Variants in LIMK2 observed in about 807,000 individuals in gnomAD.
LIMK2 encodes the protein LIM domain kinase 2.
In LIMK2, 35 loss-of-function variants were observed where a neutral mutation model predicts 75.7. That is an observed-to-expected ratio of 0.46 (90% CI 0.35 to 0.61). The LOEUF (loss-of-function observed/expected upper bound fraction) is 0.61. Among genes scored for constraint, LIMK2 ranks in the 20% least tolerant of loss-of-function variants. LIMK2 has a pLI of 0.00. For missense variants in LIMK2, 623 were observed against 831.0 expected, an observed-to-expected ratio of 0.75 and a Z score of 3.08; for synonymous variants, 301 against 319.2, an observed-to-expected ratio of 0.94 and a Z score of 0.61.
intron 5 of LIMK2, among the ~76,000 whole-genome samples, chr22:31,261,435 A>G (rs1162211080): frequency 6.6e-6 from 1 of 152,022 alleles, no homozygotes; most frequent in African/African-American, 2.4e-5. Context: ...AGTCCCAGCT[A>G]CTCGGGAGGC....
chr22:31,215,283 C>T (rs2048380784), intron 1 of LIMK2, among the ~76,000 whole-genome samples: 1 of 152,222 alleles, frequency 6.6e-6, no homozygotes, highest in Non-Finnish European at 1.5e-5. Context: ...TAAACTTTCA[C>T]TTGTTATTCC....
intron 2 of LIMK2, among the ~76,000 whole-genome samples, chr22:31,256,687 G>A (rs1384135379): frequency 6.6e-6 from 1 of 152,116 alleles, no homozygotes; most frequent in Non-Finnish European, 1.5e-5. Context: ...TTTCACAGCA[G>A]TTCATTTTAT....
intron 2 of LIMK2, chr22:31,248,675 A>C (rs766149569): frequency 1.5e-5 from 24 of 1,613,812 alleles, no homozygotes; most frequent in African/African-American, 4.0e-5. Context: ...GCAGTCACAG[A>C]CGGATTTGCA....
intron 2 of LIMK2, among the ~76,000 whole-genome samples, chr22:31,244,219 CAA>C (rs1367890263): frequency 1.3e-5 from 2 of 152,206 alleles, no homozygotes; most frequent in African/African-American, 4.8e-5. Flanking sequence ...TGTGAAATGT[CAA>C]GAGGAGTTAT....
intron 10 of LIMK2, 57 bp from the exon 11 acceptor site, chr22:31,268,087 T>A: frequency 6.3e-7 from 1 of 1,576,992 alleles, no homozygotes; most frequent in Non-Finnish European, 8.7e-7. Context: ...CCATGGGGCC[T>A]GGACCACGAG....
chr22:31,214,969 G>A (rs1020905210), intron 1 of LIMK2, among the ~76,000 whole-genome samples: 7 of 152,102 alleles, frequency 4.6e-5, no homozygotes, highest in Non-Finnish European at 1.0e-4. Context: ...CTAATTTTTT[G>A]TATTTTTATT....
At chr22:31,273,165 C>A in intron 13 of LIMK2, 1 of 403,012 alleles carries the variant, frequency 2.5e-6, no homozygotes, top group Non-Finnish European at 3.4e-6. Context: ...TAGGAGCATA[C>A]AGCTGCCTAA....
At chr22:31,228,756 C>A (rs2048500131) in intron 2 of LIMK2, among the ~76,000 whole-genome samples, 1 of 152,104 alleles carries the variant, frequency 6.6e-6, no homozygotes, top group Non-Finnish European at 1.5e-5. Flanking sequence ...GCCTGGCCAA[C>A]ATGGCAAAAC....
intron 1 of LIMK2, 117 bp from the exon 2 acceptor site, chr22:31,225,603 T>C: frequency 1.1e-5 from 8 of 718,210 alleles, no homozygotes; most frequent in South Asian, 8.4e-5. Context: ...TAGCAGAGCA[T>C]TGGCCTAACC....
At chr22:31,222,328 C>T (rs1189724919) in intron 1 of LIMK2, among the ~76,000 whole-genome samples, 2 of 150,584 alleles carry the variant, frequency 1.3e-5, no homozygotes, top group African/African-American at 2.5e-5. Flanking sequence ...GCCTCAGCCT[C>T]CCAAAGTACT....
intron 12 of LIMK2, among the ~76,000 whole-genome samples, chr22:31,271,679 C>T (rs1174126845): frequency 2.6e-5 from 4 of 152,120 alleles, no homozygotes; most frequent in Non-Finnish European, 5.9e-5. Flanking sequence ...TGCTATCTGG[C>T]TTCCTGGGTG....
Position 31,276,706 on chromosome 22 carries a change from C to T in LIMK2, c.1772+1398C>T, listed in dbSNP as rs572614998. The T allele has an allele frequency of 5.9e-5, 78 of 1,333,106 alleles. 4 individuals carry two copies. In the South Asian group the frequency reaches 1.3e-3, roughly 22 times the overall value. The allele number at this position is 1,333,106 out of a possible 1,614,324, so 82.6% of individuals were successfully genotyped here. A position where few individuals can be genotyped will look rare whatever the true frequency, so the allele number is the denominator to read the frequency against. ...GAGGCCGCCGTGGCGGACAGCGGCA[C>T]CGCGGGGGGCGCGGCGTTGGCGGCC... On this transcript the variant is annotated intron_variant, in intron 15 of 15. Transcript: ENST00000331728.
chr22:31,248,638 A>G (rs764258162), intron 2 of LIMK2: 6 of 1,613,424 alleles, frequency 3.7e-6, no homozygotes, highest in Non-Finnish European at 5.1e-6. Context: ...CGGGCCTGTC[A>G]TGGTGGCCAT....
chr22:31,257,074 T>TA (rs2048791583), intron 2 of LIMK2, among the ~76,000 whole-genome samples: 1 of 83,354 alleles, frequency 1.2e-5, no homozygotes, highest in Non-Finnish European at 2.5e-5. Context: ...TTTTTTTTTT[T>TA]AGAGACGGGG....
chr22:31,272,391 A>C, intron 12 of LIMK2, 139 bp from the exon 13 acceptor site: 1 of 797,520 alleles, frequency 1.3e-6, no homozygotes, highest in Non-Finnish European at 1.9e-6. Flanking sequence ...TGTCTATTTG[A>C]TAGAGCTTTC....
In LIMK2 at chr22:31,273,585, TCCTAG is replaced by T; in HGVS notation, c.1614+79_1614+83del. Reference sequence around the variant, plus strand: ...CTTCCCTCGGAACTGGGGCATCTCCTCCTAGGGATGACTAGCTTGACTAAAATCAA... The same window carrying T: ...CTTCCCTCGGAACTGGGGCATCTCCTGGATGACTAGCTTGACTAAAATCAA... On this transcript the variant is annotated intron_variant, in intron 14 of 15. Coordinates refer to ENST00000331728, the MANE Select transcript of LIMK2 (RefSeq NM_005569.4). The T allele has an allele frequency of 7.0e-6, 8 of 1,139,438 alleles. No homozygotes were observed. In the South Asian group the frequency reaches 9.9e-5, roughly 14 times the overall value. 70.6% of individuals were successfully genotyped at this position (1,139,438 alleles called of 1,614,324 possible).
chr22:31,253,744 T>C (rs2048748611), intron 2 of LIMK2, among the ~76,000 whole-genome samples: 1 of 152,266 alleles, frequency 6.6e-6, no homozygotes, highest in African/African-American at 2.4e-5. Flanking sequence ...ACTTTAACTC[T>C]GCTTTTCAGT....
intron 2 of LIMK2, among the ~76,000 whole-genome samples, chr22:31,257,092 A>G (rs542596630): frequency 9.9e-4 from 99 of 99,954 alleles, no homozygotes; most frequent in Middle Eastern, 8.1e-3. Context: ...GGGTCTTACT[A>G]TGTTGCCCAG....
At chr22:31,255,110 G>A (rs1355787103) in intron 2 of LIMK2, among the ~76,000 whole-genome samples, 2 of 152,098 alleles carry the variant, frequency 1.3e-5, no homozygotes, top group African/African-American at 4.8e-5. Context: ...GATCATCTAG[G>A]GAAAAACACA....
Sources: allele counts gnomAD v4.1 joint callset (sites outside exome capture counted in the v4.1 genomes callset), GRCh38; gene constraint gnomAD v4.1.1; transcripts MANE v1.5; gene names NCBI Gene and HGNC (gene_info 2026-07-23, HGNC 2026-07-21).